Variants in MMP26 observed in about 807,000 individuals in gnomAD.
The protein encoded by MMP26 is matrix metalloproteinase-26.
MMP26 carries 33 observed loss-of-function variants against 31.0 expected under a neutral mutation model. The observed-to-expected ratio is 1.06, with a 90% CI of 0.81 to 1.42. The LOEUF (loss-of-function observed/expected upper bound fraction) is 1.42, where lower values mean the gene tolerates loss of function less well. Among genes scored for constraint, MMP26 ranks in the 40% most tolerant of loss-of-function variants. The pLI, the probability that MMP26 is intolerant of heterozygous loss-of-function variation, is 0.00. For synonymous variants in MMP26, 122 were observed against 114.9 expected, an observed-to-expected ratio of 1.06 and a Z score of -0.40; for missense variants, 347 against 316.1, an observed-to-expected ratio of 1.10 and a Z score of -0.74.
At position 4,804,275 on chromosome 11, in the gene MMP26, C is replaced by A; in HGVS notation, c.-145+36934C>A. On this transcript the variant is annotated intron_variant, in intron 2 of 7. Transcript: ENST00000380390. ...CCAACAACAGCCACAGCATACGTGGCACAGAACGGAAAGGCAATCCACAAC... is the reference window on the plus strand; with the variant it reads ...CCAACAACAGCCACAGCATACGTGGAACAGAACGGAAAGGCAATCCACAAC... 2.5e-6 allele frequency: 4 copies of A among 1,613,994 alleles called. No homozygotes were observed. In the South Asian group the frequency reaches 3.3e-5, roughly 13 times the overall value.
chr11:4,795,724 C>T (rs561945736), intron 2 of MMP26, among the ~76,000 whole-genome samples: 13 of 152,184 alleles, frequency 8.5e-5, no homozygotes, highest in Admixed American at 8.5e-4. Context: ...CTTTATTATG[C>T]CTGTGGGCAG....
chr11:4,715,869 G>A (rs1847923129), intron 1 of MMP26, among the ~76,000 whole-genome samples: 1 of 152,128 alleles, frequency 6.6e-6, no homozygotes, highest in Admixed American at 6.5e-5. Flanking sequence ...TACATTATAT[G>A]GCAAAAGGAT....
chr11:4,774,634 T>C (rs138926760), intron 2 of MMP26, among the ~76,000 whole-genome samples: 2,335 of 152,268 alleles, frequency 0.015, 73 homozygotes, highest in African/African-American at 0.053. Flanking sequence ...TTAGTTTAAT[T>C]AGATCCTGTT....
chr11:4,723,988 C>T, intron 1 of MMP26: 1 of 723,034 alleles, frequency 1.4e-6, no homozygotes. Context: ...AGTGGTGATG[C>T]CTCCCATGCC....
intron 2 of MMP26, among the ~76,000 whole-genome samples, chr11:4,847,144 T>G (rs1199470824): frequency 6.6e-6 from 1 of 152,204 alleles, no homozygotes. Context: ...CTCTTGCTTT[T>G]ATCACATCCA....
intron 2 of MMP26, among the ~76,000 whole-genome samples, chr11:4,959,296 T>C (rs1260366470): frequency 6.6e-6 from 1 of 151,106 alleles, no homozygotes; most frequent in African/African-American, 2.4e-5. Flanking sequence ...TTCTATTACA[T>C]TGCAATTTGG....
rs779569292 is a variant in MMP26, at chr11:4,923,461, G to C, written c.-144-64607G>C. On this transcript the variant is annotated intron_variant, in intron 2 of 7. Transcript: ENST00000380390. ...GAATTTGCTTGGTCTTGATGCTGTAGATGATGGGGTTCATAAGGGGTGGTA... is the reference window on the plus strand; with the variant it reads ...GAATTTGCTTGGTCTTGATGCTGTACATGATGGGGTTCATAAGGGGTGGTA... 9 of 1,613,044 alleles carry C rather than the reference G, an allele frequency of 5.6e-6. No individual in the cohort carries two copies. The African/African-American group carries it at 1.1e-4, about 19-fold the overall frequency.
intron 2 of MMP26, chr11:4,860,257 A>G (rs867387650): frequency 2.1e-5 from 10 of 471,214 alleles, no homozygotes; most frequent in African/African-American, 1.4e-4. Context: ...GATGAAGAAC[A>G]TCTGCATGAT....
intron 2 of MMP26, among the ~76,000 whole-genome samples, chr11:4,904,567 T>G (rs1016120174): frequency 6.6e-6 from 1 of 152,132 alleles, no homozygotes; most frequent in African/African-American, 2.4e-5. Context: ...ACATTTTTAC[T>G]GTATGATTTC....
Position 4,874,234 on chromosome 11 carries a change from A to T in MMP26, c.-145+106893A>T, listed in dbSNP as rs75118594. Among the ~76,000 whole-genome samples, 349 of 152,222 alleles carry T rather than the reference A, an allele frequency of 2.3e-3. 1 individual carries two copies. The highest frequency in any genetic ancestry group is 7.9e-3 in the African/African-American group (330 of 41,554). ...ACAAGTAAGGTGAAATTGTAATTTA[A>T]TTTAAGAAATTTAAATTTAAATAAA... On this transcript the variant is annotated intron_variant, in intron 2 of 7. Transcript: ENST00000380390.
At chr11:4,804,440 C>A in intron 2 of MMP26, 6 of 1,273,094 alleles carry the variant, frequency 4.7e-6, no homozygotes, top group South Asian at 2.4e-5. Flanking sequence ...TGATAACAAT[C>A]AAAACAAGTG....
At chr11:4,989,914 T>A in intron 4 of MMP26, 46 bp downstream of exon 4, 1 of 1,486,672 alleles carries the variant, frequency 6.7e-7, no homozygotes, top group East Asian at 2.3e-5. Flanking sequence ...GGTGATGACC[T>A]CAAAGGGCTT....
chr11:4,843,770 G>A (rs916937008), intron 2 of MMP26, among the ~76,000 whole-genome samples: 3 of 152,128 alleles, frequency 2.0e-5, no homozygotes, highest in Non-Finnish European at 4.4e-5. Flanking sequence ...CAGAAAAATA[G>A]GTTTTTATTG....
chr11:4,722,470 CTTTTTT>C (rs60627073), intron 1 of MMP26, among the ~76,000 whole-genome samples: 1 of 63,988 alleles, frequency 1.6e-5, no homozygotes, highest in Non-Finnish European at 3.0e-5. Context: ...GAAGTAATTA[CTTTTTT>C]TTTTTTTTTT....
intron 1 of MMP26, among the ~76,000 whole-genome samples, chr11:4,717,843 A>G (rs1258898160): frequency 1.3e-5 from 2 of 152,230 alleles, no homozygotes; most frequent in African/African-American, 4.8e-5. Flanking sequence ...ATTTTAACCC[A>G]GTTAAAATTT....
chr11:4,707,969 T>C (rs545299220), intron 1 of MMP26, among the ~76,000 whole-genome samples: 43 of 152,354 alleles, frequency 2.8e-4, no homozygotes, highest in African/African-American at 1.0e-3. Context: ...CTTTAAATAC[T>C]GCTGTTCCCC....
intron 2 of MMP26, chr11:4,923,904 T>C: frequency 2.5e-6 from 4 of 1,614,030 alleles, no homozygotes; most frequent in Non-Finnish European, 3.4e-6. Context: ...CTTAGCCCCA[T>C]CTTGACAATA....
intron 1 of MMP26, among the ~76,000 whole-genome samples, chr11:4,731,705 C>T (rs1462014719): frequency 1.3e-5 from 2 of 152,156 alleles, no homozygotes; most frequent in African/African-American, 4.8e-5. Context: ...AGTTTTTGTG[C>T]ATGTGTGCAT....
At chr11:4,798,564 A>G (rs550250779) in intron 2 of MMP26, among the ~76,000 whole-genome samples, 2 of 152,288 alleles carry the variant, frequency 1.3e-5, no homozygotes, top group African/African-American at 4.8e-5. Context: ...TGATGCCTGC[A>G]CTCTGCTAGG....
Sources: gnomAD v4.1 joint callset for allele counts (sites outside exome capture counted in the v4.1 genomes callset) on GRCh38, gnomAD v4.1.1 for gene constraint, MANE v1.5 for transcripts, NCBI Gene and HGNC (gene_info 2026-07-23, HGNC 2026-07-21) for gene names.